Variants in SLC7A14 observed in about 807,000 individuals in gnomAD.
The protein encoded by SLC7A14 is solute carrier family 7 member 14.
In SLC7A14, 37 loss-of-function variants were observed where a neutral mutation model predicts 60.2. The observed-to-expected ratio is 0.61, with a 90% CI of 0.47 to 0.81. SLC7A14 has a LOEUF of 0.81. SLC7A14 is among the 30% of genes least tolerant of loss of function. SLC7A14 has a pLI of 0.00. For missense variants in SLC7A14, 886 were observed against 982.7 expected (o/e 0.90, Z 1.32); for synonymous variants, 399 against 395.8 (o/e 1.01, Z -0.10).
intron 3 of SLC7A14, among the ~76,000 whole-genome samples, chr3:170,499,737 C>T (rs549163670): frequency 1.2e-4 from 19 of 152,288 alleles, no homozygotes; most frequent in Middle Eastern, 6.8e-3. Flanking sequence ...TTTTGCCCAA[C>T]GGCCAGTGGA....
chr3:170,477,231 T>C (rs1004073940), intron 7 of SLC7A14, among the ~76,000 whole-genome samples: 2 of 152,244 alleles, frequency 1.3e-5, no homozygotes, highest in African/African-American at 4.8e-5. Context: ...CTGTTGACTT[T>C]GAGCATGTTA....
intron 7 of SLC7A14, among the ~76,000 whole-genome samples, chr3:170,475,837 C>T (rs923776049): frequency 6.6e-6 from 1 of 152,112 alleles, no homozygotes; most frequent in African/African-American, 2.4e-5. Flanking sequence ...CTCAGTCTCC[C>T]GAGTAGCTGG....
At chr3:170,537,561 C>T (rs1713885040) in intron 1 of SLC7A14, among the ~76,000 whole-genome samples, 1 of 152,198 alleles carries the variant, frequency 6.6e-6, no homozygotes, top group Non-Finnish European at 1.5e-5. Context: ...GGCAAACTGC[C>T]ACCTCTCTCA....
intron 4 of SLC7A14, among the ~76,000 whole-genome samples, chr3:170,490,793 C>T (rs1358059628): frequency 6.6e-6 from 1 of 152,184 alleles, no homozygotes; most frequent in East Asian, 1.9e-4. Context: ...GCCTAAGTTT[C>T]ATTCTTACTT....
chr3:170,524,934 AG>A (rs1433739445), intron 2 of SLC7A14, among the ~76,000 whole-genome samples: 1 of 152,232 alleles, frequency 6.6e-6, no homozygotes, highest in Non-Finnish European at 1.5e-5. Context: ...ATCAAATTAA[AG>A]AGACGTTAAA....
chr3:170,554,783 C>A (rs1055706585), intron 1 of SLC7A14, among the ~76,000 whole-genome samples: 14 of 152,298 alleles, frequency 9.2e-5, no homozygotes, highest in East Asian at 7.7e-4. Flanking sequence ...GTTATTTGCC[C>A]TCATCTATTT....
chr3:170,516,248 C>G (rs1713154331), intron 2 of SLC7A14, among the ~76,000 whole-genome samples: 2 of 152,330 alleles, frequency 1.3e-5, no homozygotes, highest in South Asian at 4.1e-4. Context: ...CACCTTTCTC[C>G]TCACTGCTGA....
In SLC7A14 at chr3:170,482,589, C is replaced by T. The variant is rs575335014; in HGVS notation, c.1115+725G>A. 3.3e-5 allele frequency among the ~76,000 whole-genome samples: 5 copies of T among 152,314 alleles called. No homozygotes were observed. The South Asian group carries it at 1.0e-3, about 32-fold the overall frequency. ...GGCCACATCCCCTTTGTACCATGGGCAGATGGGCCACTTCATGGCCAATGT... is the reference window on the plus strand; with the variant it reads ...GGCCACATCCCCTTTGTACCATGGGTAGATGGGCCACTTCATGGCCAATGT... On this transcript the variant is annotated intron_variant, in intron 6 of 7. Coordinates refer to ENST00000231706, the MANE Select transcript of SLC7A14 (RefSeq NM_020949.3).
At chr3:170,559,462 C>T (rs958365337) in intron 1 of SLC7A14, among the ~76,000 whole-genome samples, 1 of 152,154 alleles carries the variant, frequency 6.6e-6, no homozygotes, top group Non-Finnish European at 1.5e-5. Context: ...CTTTAACACA[C>T]TTACTATTAT....
intron 1 of SLC7A14, among the ~76,000 whole-genome samples, chr3:170,566,058 T>C (rs1241474496): frequency 4.6e-5 from 7 of 152,164 alleles, no homozygotes; most frequent in Non-Finnish European, 7.4e-5. Context: ...CATCTGTGGT[T>C]GCCCTTCTGT....
chr3:170,538,759 T>C (rs1464991816), intron 1 of SLC7A14, among the ~76,000 whole-genome samples: 2 of 152,246 alleles, frequency 1.3e-5, no homozygotes, highest in African/African-American at 4.8e-5. Flanking sequence ...CAGGCTGGCC[T>C]GCAAGATGGA....
chr3:170,460,277 C>T lies in SLC7A14; in HGVS notation c.*6778G>A, dbSNP rs1197477025. On this transcript the variant is annotated 3_prime_UTR_variant, in exon 8 of 8. Transcript: ENST00000231706. ...TTTATAACTTTGGATATTAATTAAACAGTAACGTTTCTTTTCCACAGTGAG... is the reference window on the plus strand; with the variant it reads ...TTTATAACTTTGGATATTAATTAAATAGTAACGTTTCTTTTCCACAGTGAG... 1 of 152,206 alleles carries T rather than the reference C, an allele frequency of 6.6e-6. No homozygotes were observed. Among genetic ancestry groups the T allele is most frequent in the East Asian group, 1.9e-4 (1 of 5,202 alleles). 9.4% of individuals were successfully genotyped at this position (152,206 alleles called of 1,614,324 possible).
At chr3:170,497,100 A>AG (rs1247326949) in intron 4 of SLC7A14, among the ~76,000 whole-genome samples, 3 of 145,642 alleles carry the variant, frequency 2.1e-5, no homozygotes, top group Non-Finnish European at 4.7e-5. Flanking sequence ...AAAAAAAAAA[A>AG]AAAAAAAAAA....
intron 3 of SLC7A14, among the ~76,000 whole-genome samples, chr3:170,500,394 A>G (rs2108280222): frequency 6.8e-6 from 1 of 147,094 alleles, no homozygotes; most frequent in Non-Finnish European, 1.5e-5. Context: ...AGCCCAGATC[A>G]TGCCATTGCA....
intron 2 of SLC7A14, among the ~76,000 whole-genome samples, chr3:170,525,232 T>A (rs1713456203): frequency 6.6e-6 from 1 of 152,232 alleles, no homozygotes; most frequent in South Asian, 2.1e-4. Context: ...TTTCTCAAGT[T>A]GTCCATTGGC....
chr3:170,522,843 A>C (rs1184147709), intron 2 of SLC7A14, among the ~76,000 whole-genome samples: 2 of 152,248 alleles, frequency 1.3e-5, no homozygotes, highest in Non-Finnish European at 2.9e-5. Flanking sequence ...TCATTATTAC[A>C]GAAAAAAAAT....
intron 1 of SLC7A14, among the ~76,000 whole-genome samples, chr3:170,541,218 A>C (rs1445956614): frequency 6.6e-6 from 1 of 152,226 alleles, no homozygotes; most frequent in African/African-American, 2.4e-5. Flanking sequence ...GACAACCTAC[A>C]TTTCTCAATA....
chr3:170,556,814 A>G (rs190880962), intron 1 of SLC7A14, among the ~76,000 whole-genome samples: 4 of 152,316 alleles, frequency 2.6e-5, no homozygotes, highest in Admixed American at 6.5e-5. Flanking sequence ...AGACAGACAC[A>G]GACACACTGA....
intron 2 of SLC7A14, among the ~76,000 whole-genome samples, chr3:170,506,106 C>G (rs1168198232): frequency 2.0e-5 from 3 of 152,142 alleles, no homozygotes; most frequent in Non-Finnish European, 4.4e-5. Flanking sequence ...AATATGAAAT[C>G]CAGTGTTTAG....
Sources: gnomAD v4.1 joint callset for allele counts (sites outside exome capture counted in the v4.1 genomes callset) on GRCh38, gnomAD v4.1.1 for gene constraint, MANE v1.5 for transcripts, NCBI Gene and HGNC (gene_info 2026-07-23, HGNC 2026-07-21) for gene names.